The following CAPN15 variants were observed in gnomAD, a reference collection of about 807,000 sequenced individuals.
CAPN15 encodes the protein calpain 15.
In CAPN15, 53 loss-of-function variants were observed where a neutral mutation model predicts 97.9. The ratio of observed to expected loss-of-function variants is 0.54; its 90% CI spans 0.43 to 0.68. CAPN15 has a LOEUF of 0.68. Ranked by LOEUF, CAPN15 falls within the 30% of genes least tolerant of loss-of-function variation. The pLI is 0.00. For synonymous variants in CAPN15, 922 were observed against 722.5 expected, an observed-to-expected ratio of 1.28 and a Z score of -4.43; for missense variants, 1,592 against 1,589.8, an observed-to-expected ratio of 1.00 and a Z score of -0.02.
intron 1 of CAPN15, among the ~76,000 whole-genome samples, chr16:530,424 C>G (rs1299488132): frequency 6.6e-6 from 1 of 152,222 alleles, no homozygotes; most frequent in Non-Finnish European, 1.5e-5. Context: ...CCTGCGTGCT[C>G]CAGGAAAGTA....
Position 547,967 on chromosome 16 carries a change from C to A in CAPN15, c.1129C>A (p.Pro377Thr). The A allele has an allele frequency of 6.3e-7, 1 of 1,585,742 alleles. No homozygotes were observed. The highest frequency in any genetic ancestry group is 1.8e-5 in the Admixed American group (1 of 57,082). ...KLHGFQEHGE[P>T]PTHCPDCGAD... The stretch of plus-strand genomic sequence containing the variant: ...GCACGGCTTCCAGGAGCATGGCGAG[C>A]CCCCCACCCACTGCCCCGACTGTGG... Residue 377 changes from proline (P) to threonine (T), a missense_variant, in exon 4 of 14, where the codon CCC (proline) becomes ACC (threonine). This residue lies in a region of CAPN15 where 883 missense variants were observed against 776.6 expected (regional missense o/e 1.14). Coordinates refer to ENST00000219611, the MANE Select transcript of CAPN15 (RefSeq NM_005632.3).
At chr16:544,510 C>T (rs2034392281) in intron 3 of CAPN15, among the ~76,000 whole-genome samples, 1 of 152,162 alleles carries the variant, frequency 6.6e-6, no homozygotes, top group Non-Finnish European at 1.5e-5. Flanking sequence ...GTCCCGGCTG[C>T]TTCAGGGCGG....
At position 547,972 on chromosome 16, in the gene CAPN15, C is replaced by T. The variant is rs917577959; in HGVS notation, c.1134C>T (p.Pro378=). 4 of 1,584,348 alleles carry T rather than the reference C, an allele frequency of 2.5e-6. No homozygotes were observed. The highest frequency in any genetic ancestry group is 2.6e-6 in the Non-Finnish European group (3 of 1,167,150). ...LHGFQEHGEP[P]THCPDCGADK... ...GCTTCCAGGAGCATGGCGAGCCCCC[C>T]ACCCACTGCCCCGACTGTGGGGCCG... is the stretch of plus-strand genomic sequence containing the variant. Residue 378 remains proline, a synonymous_variant, in exon 4 of 14, where the codon CCC becomes CCT. Transcript: ENST00000219611.
chr16:538,946 CT>C (rs113024162), intron 3 of CAPN15: 17,822 of 127,504 alleles, frequency 0.14, 1,252 homozygotes, highest in African/African-American at 0.21. Flanking sequence ...TTCTTTGGTG[CT>C]TTTTTTTTTT....
rs148686276 is a variant in CAPN15 at position 549,028 on chromosome 16, C to T, written c.1485C>T (p.Pro495=). The change falls in exon 5 of 14, where the codon CCC becomes CCT. Residue 495 remains proline, a synonymous_variant. Transcript: ENST00000219611. ...NVSFVDDSFP[P]GPESVGFPAG... is the part of the protein sequence containing the mutation. The stretch of plus-strand genomic sequence containing the variant: ...GCTTCGTGGATGACAGCTTCCCTCC[C>T]GGGCCCGAGTCTGTCGGCTTCCCCG... 2.0e-4 allele frequency: 318 copies of T among 1,612,742 alleles called. No homozygotes were observed. The highest frequency in any genetic ancestry group is 2.0e-4 in the Non-Finnish European group (233 of 1,179,926).
chr16:553,807 G>A lies in CAPN15; in HGVS notation c.*291G>A. 3.1e-6 allele frequency: 1 copy of A among 327,696 alleles called. No homozygotes were observed. The highest frequency in any genetic ancestry group is 5.6e-6 in the Non-Finnish European group (1 of 178,544). 20.3% of individuals were successfully genotyped at this position (327,696 alleles called of 1,614,324 possible). On this transcript the variant is annotated 3_prime_UTR_variant, in exon 14 of 14. Transcript: ENST00000219611. ...AGCCCCAACACCCGACGGGGGCCGAGGCCAGGCTGCCCCTCCCTGTGGGCT... is the reference window on the plus strand; with the variant it reads ...AGCCCCAACACCCGACGGGGGCCGAAGCCAGGCTGCCCCTCCCTGTGGGCT...
At chr16:548,877 C>T (rs1005255568) in intron 4 of CAPN15, 116 bp from the exon 5 acceptor site, 19 of 951,766 alleles carry the variant, frequency 2.0e-5, no homozygotes, top group African/African-American at 3.2e-5. Context: ...ACGCTCCACC[C>T]GTCCCTTTGG....
At chr16:544,904 C>T (rs2034481310) in intron 3 of CAPN15, among the ~76,000 whole-genome samples, 1 of 146,168 alleles carries the variant, frequency 6.8e-6, no homozygotes, top group Non-Finnish European at 1.5e-5. Context: ...ACGTCGTCGT[C>T]TCCCCTCACG....
chr16:550,767 G>GAGGGCGCC (rs1567156958), intron 7 of CAPN15, among the ~76,000 whole-genome samples: 5 of 113,244 alleles, frequency 4.4e-5, no homozygotes, highest in Non-Finnish European at 7.2e-5. Flanking sequence ...AGGGTCCCCT[G>GAGGGCGCC]CCGGTGAGGG....
chr16:537,173 G>A (rs2033794234), intron 3 of CAPN15: 1 of 985,504 alleles, frequency 1.0e-6, no homozygotes, highest in South Asian at 4.7e-5. Context: ...GGAGGGGACT[G>A]TGCTGTCCCT....
chr16:540,071 T>G (rs765358824), intron 3 of CAPN15: 5 of 985,008 alleles, frequency 5.1e-6, no homozygotes, highest in Non-Finnish European at 6.0e-6. Flanking sequence ...TGTTTATTTT[T>G]GTTGTGTGTC....
At position 552,705 on chromosome 16, in the gene CAPN15, A is replaced by G; in HGVS notation, c.2838A>G (p.Glu946=). The G allele has an allele frequency of 6.5e-7, 1 of 1,543,988 alleles. No individual in the cohort carries two copies. Residue 946 remains glutamate (E), a synonymous_variant, in exon 12 of 14, where the codon GAA becomes GAG. Transcript: ENST00000219611. The surrounding 1 kb of genome is among the most constrained non-coding windows in gnomAD (Gnocchi z 6.4). ...SSRLVMVEPV[E]AQPTTLADAI... Reference sequence around the variant, plus strand: ...GGCTGGTCATGGTGGAGCCCGTGGAAGCCCAGCCGACCACGCTGGCCGACG... The same window carrying G: ...GGCTGGTCATGGTGGAGCCCGTGGAGGCCCAGCCGACCACGCTGGCCGACG...
chr16:533,842 G>A (rs2141956512), intron 1 of CAPN15, 104 bp from the exon 2 acceptor site: 2 of 449,452 alleles, frequency 4.4e-6, no homozygotes, highest in African/African-American at 4.2e-5. Flanking sequence ...GATTTCCCGG[G>A]ACTCTGGCTC....
At position 549,628 on chromosome 16, in the gene CAPN15, A is replaced by T; in HGVS notation, c.1856A>T (p.Gln619Leu). 3 of 1,548,118 alleles carry T rather than the reference A, an allele frequency of 1.9e-6. No homozygotes were observed. The highest frequency in any genetic ancestry group is 2.6e-6 in the Non-Finnish European group (3 of 1,151,630). ...GGCCCTCTGCAGGCGCAGCGGAAGC[A>T]GCTGTGGGTGGCCCTCATCGAGAAG... ...CLLFSQAQRK[Q>L]LWVALIEKAL... The change falls in exon 7 of 14, where the codon CAG becomes CTG. Residue 619 changes from glutamine to leucine, a missense_variant. This residue lies in a region of CAPN15 where 644 missense variants were observed against 699.6 expected (regional missense o/e 0.92). Coordinates refer to ENST00000219611, the MANE Select transcript of CAPN15 (RefSeq NM_005632.3).
At position 548,278 on chromosome 16, in the gene CAPN15, C is replaced by T; in HGVS notation, c.1440C>T (p.Phe480=). ...AKALWENIVA[F]CRENNVSFVD... is the part of the protein sequence containing the mutation. The stretch of plus-strand genomic sequence containing the variant: ...CACTCTGGGAGAACATCGTGGCCTT[C>T]TGCCGGGAGGTGAGGCGCCCCCTCG... The change falls in exon 4 of 14, where the codon TTC becomes TTT. Residue 480 remains phenylalanine, a synonymous_variant. Coordinates refer to ENST00000219611, the MANE Select transcript of CAPN15 (RefSeq NM_005632.3). 6.6e-7 allele frequency: 1 copy of T among 1,511,042 alleles called. No homozygotes were observed. Among genetic ancestry groups the T allele is most frequent in the Non-Finnish European group, 8.8e-7 (1 of 1,131,454 alleles). The allele number at this position is 1,511,042 out of a possible 1,614,324, so 93.6% of individuals were successfully genotyped here.
At chr16:534,262 T>G (rs2033535882) in intron 2 of CAPN15, among the ~76,000 whole-genome samples, 1 of 29,550 alleles carries the variant, frequency 3.4e-5, no homozygotes, top group African/African-American at 7.9e-4. Flanking sequence ...GGACCTCCCC[T>G]GTGCTGTGGC....
intron 3 of CAPN15, among the ~76,000 whole-genome samples, chr16:546,381 C>T (rs2034586738): frequency 6.6e-6 from 1 of 152,258 alleles, no homozygotes; most frequent in Non-Finnish European, 1.5e-5. Flanking sequence ...TTGCTCAGAT[C>T]AGCCTGTGCC....
At chr16:530,920 G>A (rs373901510) in intron 1 of CAPN15, among the ~76,000 whole-genome samples, 104 of 152,360 alleles carry the variant, frequency 6.8e-4, no homozygotes, top group Non-Finnish European at 1.4e-3. Flanking sequence ...CATGAGTCCC[G>A]TCGGGTCATG....
rs2034702714 is a variant in CAPN15, at chr16:547,821, C to T, written c.983C>T (p.Thr328Ile). ...GSDIIDLAGD[T>I]VRYTPASPSS... ...GACATCATTGACCTGGCCGGAGACA[C>T]CGTGCGTTACACGCCCGCCAGCCCC... is the stretch of plus-strand genomic sequence containing the variant. Residue 328 changes from threonine to isoleucine, a missense_variant, in exon 4 of 14, where the codon ACC (threonine) becomes ATC (isoleucine). Physicochemically the swap from Thr to Ile is moderately conservative, Grantham distance 89. Transcript: ENST00000219611. 1.2e-6 allele frequency: 2 copies of T among 1,611,532 alleles called. No individual in the cohort carries two copies. The highest frequency in any genetic ancestry group is 1.7e-6 in the Non-Finnish European group (2 of 1,179,534).
Sources: allele counts gnomAD v4.1 joint callset (sites outside exome capture counted in the v4.1 genomes callset), GRCh38; gene constraint gnomAD v4.1.1; regional missense constraint gnomAD v4.1.1; non-coding constraint Gnocchi (gnomAD v3.1); transcripts MANE v1.5; gene names NCBI Gene and HGNC (gene_info 2026-07-23, HGNC 2026-07-21).